FLT3: variants seen among roughly 807,000 people sequenced by gnomAD.
FLT3 encodes the protein fms related receptor tyrosine kinase 3.
Under a neutral mutation model 126.6 loss-of-function variants are expected in FLT3, and 46 were observed. The ratio of observed to expected loss-of-function variants is 0.36; its 90% CI spans 0.29 to 0.46. The LOEUF (loss-of-function observed/expected upper bound fraction) is 0.46, where lower values mean the gene tolerates loss of function less well. FLT3 is among the 20% of genes least tolerant of loss of function. The pLI, the probability that FLT3 is intolerant of heterozygous loss-of-function variation, is 1.00. For missense variants in FLT3, 1,069 were observed against 1,190.3 expected (o/e 0.90, Z 1.50); for synonymous variants, 404 against 434.4 (o/e 0.93, Z 0.87).
rs1877421197 is a variant in FLT3 at position 28,070,609 on chromosome 13, A to G, written c.47T>C (p.Val16Ala). ...AGTCCCAAATATCATTGCAGAAAAAACAACTGTAAAACAAAATAAAAATGA... is the reference window on the plus strand; with the variant it reads ...AGTCCCAAATATCATTGCAGAAAAAGCAACTGTAAAACAAAATAAAAATGA... ...RDGGQLPLLV[V>A]FSAMIFGTIT... The change falls in exon 2 of 24, where the codon GTT becomes GCT. Residue 16 changes from valine to alanine, a missense_variant. By Grantham distance (64) the Val-to-Ala change is moderately conservative. Transcript: ENST00000241453. 1 of 1,597,122 alleles carries G rather than the reference A, an allele frequency of 6.3e-7. No homozygotes were observed. The highest frequency in any genetic ancestry group is 1.3e-5 in the African/African-American group (1 of 74,688).
rs376897394 is a variant in FLT3, at chr13:28,014,689, T to C, written c.2754-132A>G. 3.4e-4 allele frequency: 213 copies of C among 625,280 alleles called. No individual in the cohort carries two copies. The African/African-American group carries it at 3.6e-3, about 11-fold the overall frequency. The allele number at this position is 625,280 out of a possible 1,614,324, so 38.7% of individuals were successfully genotyped here. A position where few individuals can be genotyped will look rare whatever the true frequency, so the allele number is the denominator to read the frequency against. On this transcript the variant is annotated intron_variant, in intron 22 of 23. Transcript: ENST00000241453. ...TACAGCATGTTTGTTTTGTGGCAAG[T>C]CCTCTACCAGATTTTGAATTCATAT...
Position 28,015,655 on chromosome 13 carries a change from C to T in FLT3, c.2588G>A (p.Gly863Asp), listed in dbSNP as rs1385092955. ...KWMAPESLFEGIYTIKSDVWS... is the reference protein window; with the variant it reads ...KWMAPESLFEDIYTIKSDVWS... ...GACATCACTCTTAATGGTGTAGATG[C>T]CTTCAAACAGGCTTTCGGGGGCCAT... Residue 863 changes from glycine (G) to aspartate (D), a missense_variant, in exon 21 of 24, where the codon GGC (glycine) becomes GAC (aspartate). Gly to Asp is a moderately conservative substitution (Grantham distance 94, BLOSUM62 -1). Coordinates refer to ENST00000241453, the MANE Select transcript of FLT3 (RefSeq NM_004119.3). 3.1e-6 allele frequency: 5 copies of T among 1,606,256 alleles called. No homozygotes were observed. Among genetic ancestry groups the T allele is most frequent in the Non-Finnish European group, 4.3e-6 (5 of 1,176,420 alleles).
rs1877409113 is a variant in FLT3, at chr13:28,070,500, T to C, written c.156A>G (p.Ser52=). Residue 52 remains serine, a synonymous_variant, in exon 2 of 24, where the codon TCA becomes TCG. Coordinates refer to ENST00000241453, the MANE Select transcript of FLT3 (RefSeq NM_004119.3). The part of the protein sequence containing the change: ...NNDSSVGKSS[S]YPMVSESPED... ...TTTAATGTTACTTTACCATGGGATA[T>C]GATGATGACTTCCCCACTGATGAAT... The C allele has an allele frequency of 6.2e-7, 1 of 1,609,742 alleles. No homozygotes were observed. Among genetic ancestry groups the C allele is most frequent in the Non-Finnish European group, 8.5e-7 (1 of 1,176,826 alleles).
intron 1 of FLT3, among the ~76,000 whole-genome samples, chr13:28,093,088 A>G (rs985421167): frequency 1.3e-4 from 19 of 151,718 alleles, no homozygotes; most frequent in African/African-American, 3.9e-4. Flanking sequence ...CATCTGGCTA[A>G]CTTTTTTTGT....
intron 1 of FLT3, among the ~76,000 whole-genome samples, chr13:28,091,035 C>T (rs1234875907): frequency 6.6e-6 from 1 of 151,764 alleles, no homozygotes; most frequent in Admixed American, 6.6e-5. Context: ...AGAGTTGTGG[C>T]TTTATTTTAC....
chr13:28,044,749 A>G (rs1250948075), intron 9 of FLT3, among the ~76,000 whole-genome samples: 3 of 152,206 alleles, frequency 2.0e-5, no homozygotes, highest in Admixed American at 6.5e-5. Context: ...CTCTTCAAGA[A>G]CTTTCAAATA....
chr13:28,082,382 A>T lies in FLT3; in HGVS notation c.44-11770T>A, dbSNP rs369548291. ...TTGCTATGTTGCCAAGGCTGGTCTC[A>T]AACTCCTAGCCTCAAGCAACCCCCC... On this transcript the variant is annotated intron_variant, in intron 1 of 23. Transcript: ENST00000241453. Among the ~76,000 whole-genome samples, 47 of 152,182 alleles carry T rather than the reference A, an allele frequency of 3.1e-4. 1 individual carries two copies. The East Asian group carries it at 5.2e-3, about 17-fold the overall frequency.
Position 28,015,229 on chromosome 13 carries a change from A to C in FLT3, c.2681T>G (p.Val894Gly). Residue 894 changes from valine (V) to glycine (G), a missense_variant, in exon 22 of 24, where the codon GTT (valine) becomes GGT (glycine). Transcript: ENST00000241453. Reference sequence around the variant, plus strand: ...AATCAGTTTGTAGAAGTTAGCATCAACCGGAATGCCAGGGTAAGGATTCAC... The same window carrying C: ...AATCAGTTTGTAGAAGTTAGCATCACCCGGAATGCCAGGGTAAGGATTCAC... ...LGVNPYPGIPVDANFYKLIQN... is the reference protein window; with the variant it reads ...LGVNPYPGIPGDANFYKLIQN... 6.2e-7 allele frequency: 1 copy of C among 1,611,808 alleles called. No homozygotes were observed. Among genetic ancestry groups the C allele is most frequent in the Non-Finnish European group, 8.5e-7 (1 of 1,178,036 alleles).
chr13:28,049,134 A>G (rs138449739), intron 8 of FLT3, among the ~76,000 whole-genome samples: 1 of 152,358 alleles, frequency 6.6e-6, no homozygotes, highest in African/African-American at 2.4e-5. Context: ...ACTGGAGGAT[A>G]AAAGTACACA....
At chr13:28,083,265 A>G (rs2137812863) in intron 1 of FLT3, among the ~76,000 whole-genome samples, 1 of 151,838 alleles carries the variant, frequency 6.6e-6, no homozygotes, top group Non-Finnish European at 1.5e-5. Context: ...CTTTTTTTTT[A>G]GTAATAATTT....
At chr13:28,029,207 A>G (rs1221845594) in intron 15 of FLT3, among the ~76,000 whole-genome samples, 1 of 152,222 alleles carries the variant, frequency 6.6e-6, no homozygotes, top group Non-Finnish European at 1.5e-5. Context: ...CCTGGCCAAC[A>G]TGGTGAAACC....
At chr13:28,072,437 C>T (rs1266547599) in intron 1 of FLT3, among the ~76,000 whole-genome samples, 1 of 151,966 alleles carries the variant, frequency 6.6e-6, no homozygotes, top group Non-Finnish European at 1.5e-5. Context: ...TGATCTGTTG[C>T]CGAGGCTGGA....
intron 22 of FLT3, 68 bp downstream of exon 22, chr13:28,015,089 A>G: frequency 1.0e-6 from 1 of 959,912 alleles, no homozygotes; most frequent in Middle Eastern, 2.8e-4. Context: ...TTTTTTGGTC[A>G]TGCATTTGGA....
At chr13:28,011,506 T>G (rs556929198) in intron 23 of FLT3, among the ~76,000 whole-genome samples, 1 of 128,714 alleles carries the variant, frequency 7.8e-6, no homozygotes, top group Non-Finnish European at 1.6e-5. Flanking sequence ...GGGTTGTGCC[T>G]TGCACCAAAC....
At chr13:28,092,377 G>GT (rs994889040) in intron 1 of FLT3, among the ~76,000 whole-genome samples, 3 of 151,516 alleles carry the variant, frequency 2.0e-5, no homozygotes, top group East Asian at 2.0e-4. Flanking sequence ...TATTTTGACT[G>GT]TTTTTTTTAG....
chr13:28,080,292 C>T (rs1232251264), intron 1 of FLT3, among the ~76,000 whole-genome samples: 1 of 152,234 alleles, frequency 6.6e-6, no homozygotes, highest in East Asian at 1.9e-4. Flanking sequence ...ACCAGAATTG[C>T]TTGAACCCAG....
At chr13:28,045,381 G>A (rs1052693648) in intron 9 of FLT3, among the ~76,000 whole-genome samples, 2 of 152,096 alleles carry the variant, frequency 1.3e-5, no homozygotes, top group Non-Finnish European at 2.9e-5. Flanking sequence ...AAATTGAATC[G>A]ACCCCTTCTC....
intron 2 of FLT3, among the ~76,000 whole-genome samples, chr13:28,066,898 G>T (rs1404413855): frequency 6.6e-6 from 1 of 152,134 alleles, no homozygotes; most frequent in African/African-American, 2.4e-5. Context: ...GAAGAAAATA[G>T]TAACTTTGCA....
At chr13:28,038,962 T>A (rs1283229078) in intron 9 of FLT3, among the ~76,000 whole-genome samples, 1 of 151,790 alleles carries the variant, frequency 6.6e-6, no homozygotes, top group African/African-American at 2.4e-5. Context: ...GTCCAGCAGA[T>A]GATCAAAGAA....
Sources: allele counts gnomAD v4.1 joint callset (sites outside exome capture counted in the v4.1 genomes callset), GRCh38; gene constraint gnomAD v4.1.1; transcripts MANE v1.5; gene names NCBI Gene and HGNC (gene_info 2026-07-23, HGNC 2026-07-21).